Variants in HMGCLL1 observed in about 807,000 individuals in gnomAD.
The protein encoded by HMGCLL1 is 3-hydroxymethyl-3-methylglutaryl-CoA lyase, cytoplasmic.
HMGCLL1 carries 36 observed loss-of-function variants against 39.1 expected under a neutral mutation model. The observed-to-expected ratio is 0.92, with a 90% CI of 0.71 to 1.22. The LOEUF (loss-of-function observed/expected upper bound fraction) is 1.22. HMGCLL1 is among the 50% of genes most tolerant of loss of function. The pLI is 0.00. For synonymous variants in HMGCLL1, 149 were observed against 144.0 expected (o/e 1.03, Z -0.25); for missense variants, 451 against 416.5 (o/e 1.08, Z -0.72).
At chr6:55,587,015 G>A in the HMGCLL1 span, among the ~76,000 whole-genome samples, 2 of 152,098 alleles carry the variant, frequency 1.3e-5, no homozygotes, top group Non-Finnish European at 2.9e-5. Context: ...CCCACCAACA[G>A]TGTAAAAGTG....
intron 7 of HMGCLL1, chr6:55,439,822 G>A (rs72980805): frequency 0.16 from 51,158 of 310,732 alleles, 4,380 homozygotes; most frequent in South Asian, 0.28. Context: ...GGTGTTGTTC[G>A]TTGGTAACAG....
intron 3 of HMGCLL1, among the ~76,000 whole-genome samples, chr6:55,528,794 T>C (rs915193711): frequency 1.5e-4 from 23 of 152,118 alleles, no homozygotes; most frequent in African/African-American, 5.5e-4. Flanking sequence ...TACCTTTGTG[T>C]ACTAAGGACC....
At chr6:55,654,613 T>C in the HMGCLL1 span, among the ~76,000 whole-genome samples, 4 of 151,844 alleles carry the variant, frequency 2.6e-5, no homozygotes, top group Non-Finnish European at 2.9e-5. Context: ...ATAGCATAGC[T>C]TATCAGTTGT....
At chr6:55,651,735 G>A in the HMGCLL1 span, among the ~76,000 whole-genome samples, 3 of 152,016 alleles carry the variant, frequency 2.0e-5, no homozygotes, top group Admixed American at 6.6e-5. Context: ...AACCCATGGC[G>A]GCAAGGCTTG....
chr6:55,575,119 T>C (rs1406932474), intron 1 of HMGCLL1, among the ~76,000 whole-genome samples: 1 of 152,038 alleles, frequency 6.6e-6, no homozygotes, highest in Non-Finnish European at 1.5e-5. Flanking sequence ...CTTTAAAACA[T>C]GCCAATTAAG....
At chr6:55,461,267 T>C (rs2127395980) in intron 7 of HMGCLL1, among the ~76,000 whole-genome samples, 1 of 152,048 alleles carries the variant, frequency 6.6e-6, no homozygotes, top group African/African-American at 2.4e-5. Flanking sequence ...AGAAGAAATA[T>C]GTGGAACCCA....
upstream of HMGCLL1, among the ~76,000 whole-genome samples, chr6:55,580,273 G>A (rs943754689): frequency 2.4e-4 from 36 of 152,046 alleles, no homozygotes; most frequent in African/African-American, 8.2e-4. Flanking sequence ...GGTTAAGGGA[G>A]GAAAAAGACA....
At chr6:55,539,796 C>T (rs1412882212) in intron 3 of HMGCLL1, among the ~76,000 whole-genome samples, 2 of 144,216 alleles carry the variant, frequency 1.4e-5, no homozygotes, top group African/African-American at 2.6e-5. Flanking sequence ...ACAACAAAAT[C>T]CCGTGACAGA....
intron 1 of HMGCLL1, among the ~76,000 whole-genome samples, chr6:55,571,830 A>T (rs1771514818): frequency 6.6e-6 from 1 of 152,070 alleles, no homozygotes; most frequent in South Asian, 2.1e-4. Context: ...AATAAAAAAT[A>T]ATAGATCAAA....
At chr6:55,546,659 T>C (rs1302153910) in intron 1 of HMGCLL1, among the ~76,000 whole-genome samples, 2 of 152,086 alleles carry the variant, frequency 1.3e-5, no homozygotes, top group Admixed American at 1.3e-4. Context: ...ACATACTGAA[T>C]ATATGAAAAT....
At chr6:55,441,654 G>A (rs528310121) in intron 7 of HMGCLL1, among the ~76,000 whole-genome samples, 11 of 151,986 alleles carry the variant, frequency 7.2e-5, no homozygotes, top group South Asian at 2.1e-4. Flanking sequence ...CAGTTTCTCC[G>A]AACTATTTTG....
intron 3 of HMGCLL1, among the ~76,000 whole-genome samples, chr6:55,540,860 A>G (rs979490759): frequency 6.6e-6 from 1 of 152,118 alleles, no homozygotes; most frequent in African/African-American, 2.4e-5. Flanking sequence ...ACAGCCAAAG[A>G]AGAGAGGATA....
the HMGCLL1 span, among the ~76,000 whole-genome samples, chr6:55,633,399 G>A: frequency 1.3e-5 from 2 of 151,742 alleles, no homozygotes; most frequent in East Asian, 2.0e-4. Flanking sequence ...GAAATAGGCA[G>A]AGAGAGAATT....
At chr6:55,534,040 T>A (rs1336806730) in intron 3 of HMGCLL1, among the ~76,000 whole-genome samples, 2 of 152,122 alleles carry the variant, frequency 1.3e-5, no homozygotes, top group African/African-American at 4.8e-5. Context: ...TGGCGGTGTG[T>A]GTTCACTGTT....
intron 7 of HMGCLL1, among the ~76,000 whole-genome samples, chr6:55,492,090 T>A (rs1766339044): frequency 1.3e-5 from 2 of 152,152 alleles, no homozygotes; most frequent in African/African-American, 4.8e-5. Flanking sequence ...CTCCTTGCCT[T>A]AATATTAACT....
chr6:55,597,108 A>G, the HMGCLL1 span, among the ~76,000 whole-genome samples: 1 of 123,348 alleles, frequency 8.1e-6, no homozygotes, highest in Non-Finnish European at 1.8e-5. Flanking sequence ...TTTTATTTCA[A>G]GGTTGAGTTG....
At chr6:55,571,665 C>T (rs955432419) in intron 1 of HMGCLL1, among the ~76,000 whole-genome samples, 2 of 151,808 alleles carry the variant, frequency 1.3e-5, no homozygotes, top group Admixed American at 6.6e-5. Context: ...AAAAATTAGC[C>T]GGGCACAGTA....
the HMGCLL1 span, among the ~76,000 whole-genome samples, chr6:55,608,506 C>T: frequency 1.3e-5 from 2 of 151,922 alleles, no homozygotes; most frequent in South Asian, 2.1e-4. Flanking sequence ...ACAGGCTAAT[C>T]GGATTCCCCC....
intron 5 of HMGCLL1, among the ~76,000 whole-genome samples, chr6:55,499,522 T>A (rs1766765064): frequency 6.6e-6 from 1 of 152,104 alleles, no homozygotes; most frequent in Non-Finnish European, 1.5e-5. Flanking sequence ...GTGTTTTTGA[T>A]GACAGATGGG....
Sources: allele counts gnomAD v4.1 joint callset (sites outside exome capture counted in the v4.1 genomes callset), GRCh38; gene constraint gnomAD v4.1.1; transcripts MANE v1.5; gene names NCBI Gene and HGNC (gene_info 2026-07-23, HGNC 2026-07-21).